MPDZ: variants seen among roughly 807,000 people sequenced by gnomAD.
MPDZ encodes the protein multiple PDZ domain protein.
A neutral mutation model predicts 239.1 loss-of-function variants in MPDZ; 234 were observed. The ratio of observed to expected loss-of-function variants is 0.98; its 90% confidence interval spans 0.88 to 1.09. The LOEUF (loss-of-function observed/expected upper bound fraction) is 1.09, where lower values mean the gene tolerates loss of function less well. Ranked by LOEUF, MPDZ falls within the 50% of genes least tolerant of loss-of-function variation. The pLI is 0.00. For missense variants in MPDZ, 3,175 were observed against 2,510.0 expected (o/e 1.26, Z -5.66); for synonymous variants, 1,048 against 881.3 (o/e 1.19, Z -3.35).
At chr9:13,239,127 A>C (rs1419850991) in intron 3 of MPDZ, among the ~76,000 whole-genome samples, 3 of 152,112 alleles carry the variant, frequency 2.0e-5, no homozygotes. Context: ...CCTACTAATA[A>C]ATATCATTAC....
chr9:13,128,639 ATGGGG>A (rs1945462963), intron 32 of MPDZ, among the ~76,000 whole-genome samples: 1 of 152,204 alleles, frequency 6.6e-6, no homozygotes, highest in Non-Finnish European at 1.5e-5. Flanking sequence ...AGCTCCAAGA[ATGGGG>A]TTTGAACAAC....
chr9:13,221,513 C>G lies in MPDZ; in HGVS notation c.748-13G>C. On this transcript the variant is annotated splice_polypyrimidine_tract_variant and intron_variant, in intron 6 of 46. Transcript: ENST00000319217. ...GTTGCCAGTGAACCTACAAACAAAGCTCATATATGAATTTGTAGAAATTTA... is the reference window on the plus strand; with the variant it reads ...GTTGCCAGTGAACCTACAAACAAAGGTCATATATGAATTTGTAGAAATTTA... 2 of 1,603,698 alleles carry G rather than the reference C, an allele frequency of 1.2e-6. No individual in the cohort carries two copies. Among genetic ancestry groups the G allele is most frequent in the Non-Finnish European group, 1.7e-6 (2 of 1,174,862 alleles).
intron 38 of MPDZ, among the ~76,000 whole-genome samples, chr9:13,121,161 G>A (rs1432848802): frequency 6.6e-6 from 1 of 152,172 alleles, no homozygotes; most frequent in Non-Finnish European, 1.5e-5. Flanking sequence ...TTTAGGCCCT[G>A]TTGATGGCAC....
chr9:13,233,336 T>C (rs1963052908), intron 3 of MPDZ, among the ~76,000 whole-genome samples: 1 of 151,736 alleles, frequency 6.6e-6, no homozygotes, highest in South Asian at 2.1e-4. Context: ...AAACAGAAAA[T>C]GAAAAAGAAC....
Position 13,135,652 on chromosome 9 carries a change from C to A in MPDZ, c.4383+440G>T, listed in dbSNP as rs1371856583. On this transcript the variant is annotated intron_variant, in intron 31 of 46. Coordinates refer to ENST00000319217, the MANE Select transcript of MPDZ (RefSeq NM_001378778.1). Reference sequence around the variant, plus strand: ...CTGTCCCCTTTAACATTGACCCTTTCCCCACCAGCTTCCATTCCCTGCCCC... The same window carrying A: ...CTGTCCCCTTTAACATTGACCCTTTACCCACCAGCTTCCATTCCCTGCCCC... 4 of 153,270 alleles carry A rather than the reference C, an allele frequency of 2.6e-5. No individual in the cohort carries two copies. In the Admixed American group the frequency reaches 2.6e-4, roughly 10 times the overall value. 9.5% of individuals were successfully genotyped at this position (153,270 alleles called of 1,614,324 possible). A position where few individuals can be genotyped will look rare whatever the true frequency, so the allele number is the denominator to read the frequency against.
At chr9:13,214,077 C>A (rs1329460152) in intron 10 of MPDZ, among the ~76,000 whole-genome samples, 2 of 151,752 alleles carry the variant, frequency 1.3e-5, no homozygotes, top group Non-Finnish European at 2.9e-5. Context: ...AAGTATACAC[C>A]CAAGAAAAAT....
chr9:13,232,537 A>C (rs1962789761), intron 3 of MPDZ, among the ~76,000 whole-genome samples: 1 of 152,094 alleles, frequency 6.6e-6, no homozygotes, highest in Non-Finnish European at 1.5e-5. Context: ...CACCACATTC[A>C]AAATTTAAAA....
intron 8 of MPDZ, 49 bp from the exon 9 acceptor site, chr9:13,217,343 A>T: frequency 8.8e-7 from 1 of 1,136,854 alleles, no homozygotes. Flanking sequence ...TAAAAAAAAC[A>T]AAAAACAAAA....
At chr9:13,265,832 G>A (rs958379815) in intron 1 of MPDZ, among the ~76,000 whole-genome samples, 1 of 152,124 alleles carries the variant, frequency 6.6e-6, no homozygotes, top group African/African-American at 2.4e-5. Context: ...GTTAAAGGAT[G>A]GAGACGATAT....
chr9:13,246,423 C>T (rs1030582201), intron 3 of MPDZ, among the ~76,000 whole-genome samples: 1 of 152,144 alleles, frequency 6.6e-6, no homozygotes, highest in African/African-American at 2.4e-5. Context: ...ACCTGAGTGG[C>T]AGAATGAGAC....
chr9:13,224,400 C>A lies in MPDZ; in HGVS notation c.367G>T (p.Asp123Tyr). The change falls in exon 4 of 47, where the codon GAT becomes TAT. Residue 123 changes from aspartate to tyrosine, a missense_variant. Coordinates refer to ENST00000319217, the MANE Select transcript of MPDZ (RefSeq NM_001378778.1). Reference protein sequence around the residue: ...INGKPACDEFDQLIKNMAQGR... With the variant: ...INGKPACDEFYQLIKNMAQGR... ...TGGGCCATATTTTTGATAAGCTGAT[C>A]AAATTCATCACAAGCAGGTTTCCCA... 2 of 1,612,364 alleles carry A rather than the reference C, an allele frequency of 1.2e-6. No individual in the cohort carries two copies. Among genetic ancestry groups the A allele is most frequent in the African/African-American group, 1.3e-5 (1 of 74,924 alleles).
intron 32 of MPDZ, among the ~76,000 whole-genome samples, chr9:13,131,222 C>T (rs1372985085): frequency 1.3e-5 from 2 of 152,024 alleles, no homozygotes; most frequent in East Asian, 3.9e-4. Flanking sequence ...GAGTGCCAGG[C>T]TTAGTGTAAT....
At chr9:13,109,626 T>C (rs1467566205) in intron 45 of MPDZ, among the ~76,000 whole-genome samples, 3 of 152,318 alleles carry the variant, frequency 2.0e-5, no homozygotes, top group South Asian at 2.1e-4. Flanking sequence ...TTTAAAATGA[T>C]AGATTTGACT....
intron 4 of MPDZ, 60 bp from the exon 5 acceptor site, chr9:13,223,770 G>A (rs951385362): frequency 1.1e-5 from 16 of 1,495,584 alleles, no homozygotes; most frequent in Admixed American, 9.1e-5. Context: ...GGTGGTTCAC[G>A]CCTGTAATCC....
rs1942573856 is a variant in MPDZ at position 13,112,034 on chromosome 9, T to C, written c.5714A>G (p.Gln1905Arg). Residue 1905 changes from glutamine to arginine, a missense_variant, in exon 43 of 47, where the codon CAA becomes CGA. Transcript: ENST00000319217. Reference sequence around the variant, plus strand: ...GATAGTACGACTCACTCTGAGTTTTTGGGTCTGTGCTGCAACTCCAGTTGG... The same window carrying C: ...GATAGTACGACTCACTCTGAGTTTTCGGGTCTGTGCTGCAACTCCAGTTGG... ...MHPTGVAAQT[Q>R]KLRVGDRIVT... 1 of 1,613,378 alleles carries C rather than the reference T, an allele frequency of 6.2e-7. No homozygotes were observed. Among genetic ancestry groups the C allele is most frequent in the East Asian group, 2.2e-5 (1 of 44,838 alleles).
chr9:13,250,496 T>G (rs1967655830), intron 1 of MPDZ, 124 bp from the exon 2 acceptor site: 1 of 534,760 alleles, frequency 1.9e-6, no homozygotes, highest in African/African-American at 1.9e-5. Flanking sequence ...TTGATACAAC[T>G]TAAGATAGTT....
intron 18 of MPDZ, among the ~76,000 whole-genome samples, chr9:13,183,911 C>G (rs1055570493): frequency 6.6e-6 from 1 of 151,966 alleles, no homozygotes; most frequent in Non-Finnish European, 1.5e-5. Context: ...AGTTCCCATG[C>G]CCAACTCTTA....
At chr9:13,231,743 T>G (rs2136787338) in intron 3 of MPDZ, among the ~76,000 whole-genome samples, 1 of 152,162 alleles carries the variant, frequency 6.6e-6, no homozygotes, top group Admixed American at 6.5e-5. Flanking sequence ...GTTCTCTACT[T>G]TTTGTTTGAG....
At chr9:13,252,350 G>A (rs1439181514) in intron 1 of MPDZ, among the ~76,000 whole-genome samples, 6 of 150,740 alleles carry the variant, frequency 4.0e-5, no homozygotes, top group Non-Finnish European at 5.9e-5. Context: ...GGCGGATCAC[G>A]AGGTCAGGAG....
Sources: gnomAD v4.1 joint callset for allele counts (sites outside exome capture counted in the v4.1 genomes callset) on GRCh38, gnomAD v4.1.1 for gene constraint, MANE v1.5 for transcripts, NCBI Gene and HGNC (gene_info 2026-07-23, HGNC 2026-07-21) for gene names.